The following PTGFRN variants were observed in gnomAD, a reference collection of about 807,000 sequenced individuals.
PTGFRN encodes prostaglandin F2 receptor inhibitor, also known as prostaglandin F2 receptor negative regulator.
In PTGFRN, 35 loss-of-function variants were observed where a neutral mutation model predicts 83.2. The observed-to-expected ratio is 0.42, with a 90% confidence interval of 0.32 to 0.56. The LOEUF is 0.56. Among genes scored for constraint, PTGFRN ranks in the 20% least tolerant of loss-of-function variants. The pLI, the probability that PTGFRN is intolerant of heterozygous loss-of-function variation, is 0.11. For synonymous variants in PTGFRN, 519 were observed against 498.6 expected (o/e 1.04, Z -0.55); for missense variants, 1,051 against 1,179.5 (o/e 0.89, Z 1.60).
chr1:116,985,236 C>G (rs547145888), intron 8 of PTGFRN, among the ~76,000 whole-genome samples: 1 of 152,286 alleles, frequency 6.6e-6, no homozygotes, highest in Non-Finnish European at 1.5e-5. Flanking sequence ...ATTTTCAAGG[C>G]TTTGCCTCTT....
intron 6 of PTGFRN, among the ~76,000 whole-genome samples, chr1:116,969,439 A>G (rs1002547928): frequency 1.6e-4 from 25 of 152,302 alleles, no homozygotes; most frequent in African/African-American, 3.4e-4. Context: ...TAGACTGTCA[A>G]TTCTATTTCA....
chr1:116,910,091 C>A lies in PTGFRN; in HGVS notation c.-113C>A. 1.7e-6 allele frequency: 2 copies of A among 1,180,386 alleles called. No individual in the cohort carries two copies. The highest frequency in any genetic ancestry group is 2.4e-6 in the Non-Finnish European group (2 of 833,908). 73.1% of individuals were successfully genotyped at this position (1,180,386 alleles called of 1,614,324 possible). ...GCTCGCGAGGAGAGCGGAGCAGGCG[C>A]GCGGCCCAGGCGGAGGAGCGCCGAC... On this transcript the variant is annotated 5_prime_UTR_variant, in exon 1 of 9. Coordinates refer to ENST00000393203, the MANE Select transcript of PTGFRN (RefSeq NM_020440.4).
Position 116,984,686 on chromosome 1 carries a change from T to C in PTGFRN, c.2174T>C (p.Met725Thr). 6.2e-7 allele frequency: 1 copy of C among 1,613,452 alleles called. No individual in the cohort carries two copies. The highest frequency in any genetic ancestry group is 2.2e-5 in the East Asian group (1 of 44,860). ...VEGAALDPDDMAFDVSWFAVH... is the reference protein window; with the variant it reads ...VEGAALDPDDTAFDVSWFAVH... ...TTGGCTTGGTAATCCGTAGATGACA[T>C]GGCCTTTGATGTGTCCTGGTTTGCG... The change falls in exon 8 of 9, where the codon ATG becomes ACG. Residue 725 changes from methionine to threonine, a missense_variant. Coordinates refer to ENST00000393203, the MANE Select transcript of PTGFRN (RefSeq NM_020440.4).
intron 6 of PTGFRN, among the ~76,000 whole-genome samples, chr1:116,967,889 A>ATC (rs1650885523): frequency 6.6e-6 from 1 of 152,236 alleles, no homozygotes; most frequent in Non-Finnish European, 1.5e-5. Context: ...TGCTGTGGAC[A>ATC]TTCATGTACA....
chr1:116,942,472 T>G (rs1284120192), intron 2 of PTGFRN, among the ~76,000 whole-genome samples: 1 of 152,190 alleles, frequency 6.6e-6, no homozygotes, highest in African/African-American at 2.4e-5. Context: ...ATGCCTCAGC[T>G]TCCTCCTCTG....
At chr1:116,948,361 GTCTACTTTTAATTA>G (rs1276656939) in intron 3 of PTGFRN, among the ~76,000 whole-genome samples, 1 of 152,178 alleles carries the variant, frequency 6.6e-6, no homozygotes, top group Non-Finnish European at 1.5e-5. Context: ...TCTAAATATA[GTCTACTTTTAATTA>G]TCCACACTAA....
rs982872838 is a variant in PTGFRN, at chr1:116,987,205, A to G, written c.*238A>G. The G allele has an allele frequency of 4.9e-5, 23 of 466,638 alleles. No individual in the cohort carries two copies. The highest frequency in any genetic ancestry group is 1.2e-4 in the East Asian group (3 of 25,552). 28.9% of individuals were successfully genotyped at this position (466,638 alleles called of 1,614,324 possible). A position where few individuals can be genotyped will look rare whatever the true frequency, so the allele number is the denominator to read the frequency against. ...TAACAATCGAGTGTGTGTTTTCCCA[A>G]CTGCAGCTTTTTAATGGTTAACCTT... is the stretch of plus-strand genomic sequence containing the variant. On this transcript the variant is annotated 3_prime_UTR_variant, in exon 9 of 9. Transcript: ENST00000393203.
At chr1:116,911,839 G>A (rs986989053) in intron 1 of PTGFRN, among the ~76,000 whole-genome samples, 7 of 152,096 alleles carry the variant, frequency 4.6e-5, no homozygotes, top group Non-Finnish European at 8.8e-5. Context: ...TTTCACTCTG[G>A]GACCCTTGTA....
chr1:116,919,757 A>G (rs746826546), intron 1 of PTGFRN, among the ~76,000 whole-genome samples: 3 of 152,240 alleles, frequency 2.0e-5, no homozygotes, highest in African/African-American at 4.8e-5. Flanking sequence ...CTGTCTTTCC[A>G]TGTTAGTCAA....
chr1:116,924,492 T>A (rs190323692), intron 1 of PTGFRN, among the ~76,000 whole-genome samples: 2 of 152,160 alleles, frequency 1.3e-5, no homozygotes, highest in Non-Finnish European at 2.9e-5. Flanking sequence ...TTGGGGACTT[T>A]TGTAAGGATC....
At position 116,923,175 on chromosome 1, in the gene PTGFRN, G is replaced by A. The variant is rs1649579586; in HGVS notation, c.49+12923G>A. 6.6e-6 allele frequency among the ~76,000 whole-genome samples: 1 copy of A among 152,184 alleles called. No homozygotes were observed. Among genetic ancestry groups the A allele is most frequent in the African/African-American group, 2.4e-5 (1 of 41,444 alleles). ...TGTCTGTTTTTGCTTACCCCAGCAT[G>A]TAGGAACTTGAATCTTTGAATAATT... On this transcript the variant is annotated intron_variant, in intron 1 of 8. Transcript: ENST00000393203. This position sits in a 1 kb window ranked among gnomAD's most constrained non-coding sequence, Gnocchi z 4.0.
At chr1:116,913,702 A>T (rs1292319141) in intron 1 of PTGFRN, among the ~76,000 whole-genome samples, 2 of 152,218 alleles carry the variant, frequency 1.3e-5, no homozygotes, top group Admixed American at 6.5e-5. Context: ...TATATAACTC[A>T]TACTGGTTGT....
Position 116,944,758 on chromosome 1 carries a change from G to C in PTGFRN, c.498G>C (p.Glu166Asp). ...SLSLREGEPF[E>D]LRCTAASASP... Reference sequence around the variant, plus strand: ...GCCTGCGGGAGGGGGAGCCCTTCGAGCTGCGCTGCACCGCCGCCTCCGCCT... The same window carrying C: ...GCCTGCGGGAGGGGGAGCCCTTCGACCTGCGCTGCACCGCCGCCTCCGCCT... The change falls in exon 3 of 9, where the codon GAG (glutamate) becomes GAC (aspartate). Residue 166 changes from glutamate (E) to aspartate (D), a missense_variant. Physicochemically the swap from Glu to Asp is conservative, Grantham distance 45. This residue lies in a region of PTGFRN where 205 missense variants were observed against 174.5 expected (regional missense o/e 1.17). Transcript: ENST00000393203. The C allele has an allele frequency of 6.6e-7, 1 of 1,518,854 alleles. No individual in the cohort carries two copies. Among genetic ancestry groups the C allele is most frequent in the Non-Finnish European group, 8.8e-7 (1 of 1,139,916 alleles). 94.1% of individuals were successfully genotyped at this position (1,518,854 alleles called of 1,614,324 possible).
rs561708218 is a variant in PTGFRN, at chr1:116,981,000, G to A, written c.2168-3680G>A. Among the ~76,000 whole-genome samples the A allele has an allele frequency of 3.3e-5, 5 of 152,282 alleles. No homozygotes were observed. The South Asian group carries it at 1.0e-3, about 32-fold the overall frequency. On this transcript the variant is annotated intron_variant, in intron 7 of 8. Transcript: ENST00000393203. ...CAAAGGAGTAGCTGGTGACCAGAGG[G>A]TGCTATTGTAGTTAGAATTCTTAGG...
intron 6 of PTGFRN, among the ~76,000 whole-genome samples, chr1:116,967,839 C>T (rs1650884660): frequency 6.6e-6 from 1 of 152,196 alleles, no homozygotes; most frequent in Non-Finnish European, 1.5e-5. Context: ...AGTTGATGGA[C>T]ATTTGGGTGT....
intron 7 of PTGFRN, among the ~76,000 whole-genome samples, chr1:116,984,171 T>C (rs1651397328): frequency 6.6e-6 from 1 of 152,250 alleles, no homozygotes; most frequent in African/African-American, 2.4e-5. Context: ...TTTACAACTC[T>C]AAATTTGGTG....
At chr1:116,962,105 C>T (rs930290478) in intron 5 of PTGFRN, among the ~76,000 whole-genome samples, 1 of 152,136 alleles carries the variant, frequency 6.6e-6, no homozygotes, top group Non-Finnish European at 1.5e-5. Flanking sequence ...CTTCTTGATC[C>T]TCCCTGCAGC....
At chr1:116,938,097 C>T (rs890001665) in intron 1 of PTGFRN, among the ~76,000 whole-genome samples, 2 of 152,128 alleles carry the variant, frequency 1.3e-5, no homozygotes, top group Non-Finnish European at 2.9e-5. Flanking sequence ...AAGTGATCAC[C>T]TCATTTCTTT....
At chr1:116,970,582 A>C (rs1302813554) in intron 6 of PTGFRN, among the ~76,000 whole-genome samples, 1 of 152,134 alleles carries the variant, frequency 6.6e-6, no homozygotes, top group African/African-American at 2.4e-5. Context: ...CAGTTCTTTA[A>C]ATCTCAGCAT....
Sources: gnomAD v4.1 joint callset for allele counts (sites outside exome capture counted in the v4.1 genomes callset) on GRCh38, gnomAD v4.1.1 for gene constraint, gnomAD v4.1.1 regional missense constraint, Gnocchi (gnomAD v3.1) non-coding constraint, MANE v1.5 for transcripts, NCBI Gene and HGNC (gene_info 2026-07-23, HGNC 2026-07-21) for gene names.